The following NINJ2 variants were observed in gnomAD, a reference collection of about 807,000 sequenced individuals.
NINJ2 encodes ninjurin-2.
Under a neutral mutation model 11.7 loss-of-function variants are expected in NINJ2, and 12 were observed. The ratio of observed to expected loss-of-function variants is 1.02; its 90% CI spans 0.66 to 1.66. The LOEUF is 1.66. NINJ2 is among the 40% of genes most tolerant of loss of function. The pLI, the probability that NINJ2 is intolerant of heterozygous loss-of-function variation, is 0.00. For missense variants in NINJ2, 187 were observed against 181.8 expected (o/e 1.03, Z -0.16); for synonymous variants, 93 against 76.8 (o/e 1.21, Z -1.10).
intron 1 of NINJ2, among the ~76,000 whole-genome samples, chr12:634,426 A>AT (rs1436003154): frequency 1.3e-5 from 2 of 151,660 alleles, no homozygotes; most frequent in Admixed American, 6.6e-5. Context: ...CAGCCGGCTA[A>AT]TTTTTTGTAT....
chr12:661,136 T>C (rs957358532), intron 1 of NINJ2, among the ~76,000 whole-genome samples: 4 of 152,178 alleles, frequency 2.6e-5, no homozygotes, highest in Admixed American at 1.3e-4. Context: ...TGGAGTGCAA[T>C]GGCATGATTG....
At chr12:594,203 C>T (rs779483799) in intron 1 of NINJ2, among the ~76,000 whole-genome samples, 1 of 151,514 alleles carries the variant, frequency 6.6e-6, no homozygotes, top group African/African-American at 2.4e-5. Context: ...TAAAGAAAAT[C>T]GAAAATAATA....
intron 1 of NINJ2, chr12:642,527 G>A (rs2120493916): frequency 6.6e-6 from 1 of 152,542 alleles, no homozygotes; most frequent in South Asian, 2.1e-4. Context: ...CGCGCCCGGC[G>A]CTATTATTAT....
intron 1 of NINJ2, among the ~76,000 whole-genome samples, chr12:646,747 C>T (rs933052732): frequency 3.3e-5 from 5 of 152,036 alleles, no homozygotes; most frequent in Admixed American, 6.6e-5. Context: ...AATGTGTATC[C>T]GGGCAGACAA....
Position 580,993 on chromosome 12 carries a change from CAT to C in NINJ2, c.34-14817_34-14816del, listed in dbSNP as rs1947543589. The stretch of plus-strand genomic sequence containing the variant: ...GTATGTGTGTGTCCATGTCTCTGTG[CAT>C]ATGTCTGTGTGAATGTGTGTGTTCA... On this transcript the variant is annotated intron_variant, in intron 1 of 3. Transcript: ENST00000305108. This position sits in a 1 kb window ranked among gnomAD's most constrained non-coding sequence, Gnocchi z 4.7. Among the ~76,000 whole-genome samples the C allele has an allele frequency of 6.7e-6, 1 of 150,152 alleles. No homozygotes were observed. Among genetic ancestry groups the C allele is most frequent in the Non-Finnish European group, 1.5e-5 (1 of 67,554 alleles).
intron 1 of NINJ2, among the ~76,000 whole-genome samples, chr12:608,905 GTC>G (rs1445039575): frequency 1.3e-5 from 2 of 152,238 alleles, no homozygotes; most frequent in Admixed American, 6.5e-5. Context: ...CCCTCTCTGG[GTC>G]TCTGTTTTCT....
intron 1 of NINJ2, among the ~76,000 whole-genome samples, chr12:642,001 CG>C (rs1049040425): frequency 4.8e-4 from 73 of 152,288 alleles, no homozygotes; most frequent in Non-Finnish European, 9.0e-4. Flanking sequence ...GACATGGTCC[CG>C]GCATGGCCTC....
At position 575,238 on chromosome 12, in the gene NINJ2, G is replaced by A. The variant is rs1476526611; in HGVS notation, c.34-9060C>T. Among the ~76,000 whole-genome samples, 5 of 152,190 alleles carry A rather than the reference G, an allele frequency of 3.3e-5. No individual in the cohort carries two copies. The East Asian group carries it at 9.6e-4, about 29-fold the overall frequency. On this transcript the variant is annotated intron_variant, in intron 1 of 3. Coordinates refer to ENST00000305108, the MANE Select transcript of NINJ2 (RefSeq NM_016533.6). The stretch of plus-strand genomic sequence containing the variant: ...AGCCCACCTGCATTGGGTCTCCAGG[G>A]TCATTGTTACTCAAGCGTAGTCCTC...
chr12:631,214 C>A lies in NINJ2; in HGVS notation c.33+32114G>T, dbSNP rs528442715. 3.4e-4 allele frequency among the ~76,000 whole-genome samples: 52 copies of A among 152,248 alleles called. 1 individual carries two copies. In the South Asian group the frequency reaches 0.01, roughly 30 times the overall value. On this transcript the variant is annotated intron_variant, in intron 1 of 3. Transcript: ENST00000305108. ...ATAACAGAACAGGATGCTCTCCGGA[C>A]AAACGTTCTGAAGGAAAAGCAAACG...
At chr12:592,350 A>G (rs1395061855) in intron 1 of NINJ2, among the ~76,000 whole-genome samples, 2 of 152,170 alleles carry the variant, frequency 1.3e-5, no homozygotes, top group Non-Finnish European at 2.9e-5. Flanking sequence ...TATCCAACAA[A>G]CAGGTGTTGA....
Position 633,522 on chromosome 12 carries a change from A to G in NINJ2, c.33+29806T>C, listed in dbSNP as rs573923031. ...CCAAAAAAAAAAAATCATGTCATTT[A>G]AAAACTTCTGAGGCTGGGCCCAGTG... On this transcript the variant is annotated intron_variant, in intron 1 of 3. Transcript: ENST00000305108. The surrounding 1 kb of genome is among the most constrained non-coding windows in gnomAD (Gnocchi z 4.3). Among the ~76,000 whole-genome samples the G allele has an allele frequency of 2.0e-5, 3 of 152,218 alleles. No homozygotes were observed. In the South Asian group the frequency reaches 6.2e-4, roughly 32 times the overall value.
rs943287858 is a variant in NINJ2 at position 638,669 on chromosome 12, C to T, written c.33+24659G>A. Among the ~76,000 whole-genome samples, 70 of 152,374 alleles carry T rather than the reference C, an allele frequency of 4.6e-4. 1 individual carries two copies. The highest frequency in any genetic ancestry group is 1.4e-3 in the African/African-American group (60 of 41,596). On this transcript the variant is annotated intron_variant, in intron 1 of 3. Coordinates refer to ENST00000305108, the MANE Select transcript of NINJ2 (RefSeq NM_016533.6). The stretch of plus-strand genomic sequence containing the variant: ...TGACCTCGTGATCCGCCCGCCTCGG[C>T]CTCCCAAAGTGCTGGGATTACAGGC...
chr12:609,062 A>T (rs1401392832), intron 1 of NINJ2, among the ~76,000 whole-genome samples: 1 of 148,922 alleles, frequency 6.7e-6, no homozygotes, highest in African/African-American at 2.5e-5. Context: ...TAGGGGCTGA[A>T]CGCACACGCA....
rs558031301 is a variant in NINJ2 at position 581,379 on chromosome 12, G to A, written c.34-15201C>T. ...AGCACTGAGTCTGGGGATCAAAGCCGCTCCTGATTGGTGGGCCAGCCTGAA... is the reference window on the plus strand; with the variant it reads ...AGCACTGAGTCTGGGGATCAAAGCCACTCCTGATTGGTGGGCCAGCCTGAA... On this transcript the variant is annotated intron_variant, in intron 1 of 3. Transcript: ENST00000305108. The surrounding 1 kb of genome is among the most constrained non-coding windows in gnomAD (Gnocchi z 4.9). 5.3e-5 allele frequency among the ~76,000 whole-genome samples: 8 copies of A among 152,220 alleles called. No individual in the cohort carries two copies. The highest frequency in any genetic ancestry group is 7.4e-5 in the Non-Finnish European group (5 of 68,008).
At chr12:622,434 A>AAAAAAAAT (rs1206701601) in intron 1 of NINJ2, among the ~76,000 whole-genome samples, 2 of 144,240 alleles carry the variant, frequency 1.4e-5, no homozygotes, top group African/African-American at 5.4e-5. Flanking sequence ...AAAAAAAAAA[A>AAAAAAAAT]GGAAAGAAAG....
At chr12:657,917 C>G (rs1937894247) in intron 1 of NINJ2, among the ~76,000 whole-genome samples, 1 of 151,316 alleles carries the variant, frequency 6.6e-6, no homozygotes, top group African/African-American at 2.4e-5. Context: ...ACCATATGAT[C>G]CAGCAATTGC....
chr12:630,209 A>AT (rs967777626), intron 1 of NINJ2, among the ~76,000 whole-genome samples: 4 of 151,646 alleles, frequency 2.6e-5, no homozygotes, highest in South Asian at 2.1e-4. Context: ...TTTGAGGCAA[A>AT]TTTTTTTTCC....
intron 1 of NINJ2, among the ~76,000 whole-genome samples, chr12:620,338 C>T (rs929964862): frequency 2.0e-5 from 3 of 149,626 alleles, no homozygotes; most frequent in African/African-American, 4.8e-5. Flanking sequence ...ATTAGACCAG[C>T]GATCCCCGCT....
At chr12:656,631 C>T (rs1297706897) in intron 1 of NINJ2, among the ~76,000 whole-genome samples, 1 of 151,830 alleles carries the variant, frequency 6.6e-6, no homozygotes, top group African/African-American at 2.4e-5. Context: ...CCCCTGTAAT[C>T]CCAGCTACTC....
Sources: allele counts gnomAD v4.1 joint callset (sites outside exome capture counted in the v4.1 genomes callset), GRCh38; gene constraint gnomAD v4.1.1; non-coding constraint Gnocchi (gnomAD v3.1); transcripts MANE v1.5; gene names NCBI Gene and HGNC (gene_info 2026-07-23, HGNC 2026-07-21).